The following NLK variants were observed in gnomAD, a reference collection of about 807,000 sequenced individuals.
NLK encodes the protein serine/threonine-protein kinase NLK.
A neutral mutation model predicts 59.0 loss-of-function variants in NLK; 11 were observed. That is an observed-to-expected ratio of 0.19 (90% CI 0.12 to 0.31). The LOEUF is 0.31. Among genes scored for constraint, NLK ranks in the 10% least tolerant of loss-of-function variants. The pLI is 1.00. For synonymous variants in NLK, 235 were observed against 235.9 expected (o/e 1.00, Z 0.03); for missense variants, 410 against 661.1 (o/e 0.62, Z 4.16).
chr17:28,078,834 TA>T (rs1018533579), intron 1 of NLK, among the ~76,000 whole-genome samples: 4 of 151,798 alleles, frequency 2.6e-5, no homozygotes, highest in Admixed American at 2.0e-4. Context: ...AAAGGACCCT[TA>T]AAAAAAAGAC....
At chr17:28,111,888 GTGTGTGTGGTGTGT>G (rs1365413129) in intron 1 of NLK, among the ~76,000 whole-genome samples, 12 of 121,136 alleles carry the variant, frequency 9.9e-5, no homozygotes, top group African/African-American at 3.9e-4. Flanking sequence ...GTGTGTGTGT[GTGTGTGTGGTGTGT>G]GTGTGTGTGT....
intron 1 of NLK, among the ~76,000 whole-genome samples, chr17:28,111,896 G>GTGTGT (rs1394476582): frequency 4.1e-4 from 28 of 67,538 alleles, no homozygotes; most frequent in South Asian, 1.2e-3. Context: ...GTGTGTGTGT[G>GTGTGT]GTGTGTGTGT....
intron 2 of NLK, among the ~76,000 whole-genome samples, chr17:28,127,966 T>C (rs1210574457): frequency 2.0e-5 from 3 of 152,124 alleles, no homozygotes; most frequent in Non-Finnish European, 4.4e-5. Flanking sequence ...TGGCATACTA[T>C]ATACATGTTC....
At chr17:28,110,265 G>A (rs1469640932) in intron 1 of NLK, among the ~76,000 whole-genome samples, 1 of 151,968 alleles carries the variant, frequency 6.6e-6, no homozygotes, top group Non-Finnish European at 1.5e-5. Context: ...CATTTTTGAA[G>A]GATAGGATCT....
At chr17:28,055,944 G>A (rs1362739303) in intron 1 of NLK, among the ~76,000 whole-genome samples, 1 of 152,018 alleles carries the variant, frequency 6.6e-6, no homozygotes, top group Non-Finnish European at 1.5e-5. Flanking sequence ...TAAAAGGAAG[G>A]TTTTTTTCTT....
rs1371693452 is a variant in NLK at position 28,172,588 on chromosome 17, G to A, written c.1119G>A (p.Lys373=). ...TGAGGACAGCTTGTGAAGGCGCTAA[G>A]GCACATATACTCAGGGGTCCTCATA... ...EAMRTACEGA[K]AHILRGPHKQ... Residue 373 remains lysine, a synonymous_variant, in exon 7 of 11, where the codon AAG becomes AAA. Transcript: ENST00000407008. 2 of 1,590,324 alleles carry A rather than the reference G, an allele frequency of 1.3e-6. No homozygotes were observed. Among genetic ancestry groups the A allele is most frequent in the Admixed American group, 3.5e-5 (2 of 56,620 alleles).
At chr17:28,101,017 C>T (rs995379199) in intron 1 of NLK, among the ~76,000 whole-genome samples, 3 of 152,180 alleles carry the variant, frequency 2.0e-5, no homozygotes. Context: ...CCTATTATTC[C>T]ATCACCATTG....
At chr17:28,135,845 CTG>C (rs879441950) in intron 3 of NLK, among the ~76,000 whole-genome samples, 9 of 152,270 alleles carry the variant, frequency 5.9e-5, no homozygotes, top group East Asian at 1.9e-4. Context: ...GGTTTGAAAA[CTG>C]TGTATGTGCT....
At chr17:28,178,676 C>T (rs914278492) in intron 7 of NLK, among the ~76,000 whole-genome samples, 1 of 152,144 alleles carries the variant, frequency 6.6e-6, no homozygotes, top group Admixed American at 6.5e-5. Context: ...AGTCCTGTCT[C>T]CTGACAGGAA....
downstream of NLK, among the ~76,000 whole-genome samples, chr17:28,199,478 C>T (rs1343997400): frequency 6.6e-6 from 1 of 151,822 alleles, no homozygotes; most frequent in African/African-American, 2.4e-5. Flanking sequence ...CCACCCTGGC[C>T]AAAATGGTGA....
In NLK at chr17:28,194,983, T is replaced by TCACACA. The variant is rs35187605; in HGVS notation, c.*374_*379dup. The TCACACA allele has an allele frequency of 0.013, 2,021 of 158,462 alleles. 26 individuals carry two copies. Among genetic ancestry groups the TCACACA allele is most frequent in the African/African-American group, 0.037 (1,465 of 39,876 alleles). 9.8% of individuals were successfully genotyped at this position (158,462 alleles called of 1,614,324 possible). On this transcript the variant is annotated 3_prime_UTR_variant, in exon 11 of 11. Coordinates refer to ENST00000407008, the MANE Select transcript of NLK (RefSeq NM_016231.5). The stretch of plus-strand genomic sequence containing the variant: ...CTTTTCTAAAATGAAGTGAGATTGT[T>TCACACA]CACACACACACACACACACACACAC...
chr17:28,136,574 T>G (rs1340734772), intron 3 of NLK, among the ~76,000 whole-genome samples: 1 of 152,156 alleles, frequency 6.6e-6, no homozygotes, highest in Non-Finnish European at 1.5e-5. Context: ...ATTCTTTTAG[T>G]GTCCTAAATG....
At chr17:28,161,614 A>G (rs1908008886) in intron 4 of NLK, among the ~76,000 whole-genome samples, 1 of 152,198 alleles carries the variant, frequency 6.6e-6, no homozygotes, top group Non-Finnish European at 1.5e-5. Context: ...ACTAAAGTGA[A>G]AAGTGACTAT....
chr17:28,060,414 C>A (rs915210244), intron 1 of NLK, among the ~76,000 whole-genome samples: 1 of 152,024 alleles, frequency 6.6e-6, no homozygotes, highest in East Asian at 1.9e-4. Flanking sequence ...AAGTTAATAT[C>A]TTTAATATTA....
chr17:28,118,367 T>C lies in NLK; in HGVS notation c.459-4236T>C, dbSNP rs983124368. Reference sequence around the variant, plus strand: ...CCAAGTTGAAGCACTCTTTTTATTATATTATGTATTTGCTTTGAATAGCTA... The same window carrying C: ...CCAAGTTGAAGCACTCTTTTTATTACATTATGTATTTGCTTTGAATAGCTA... On this transcript the variant is annotated intron_variant, in intron 1 of 10. Coordinates refer to ENST00000407008, the MANE Select transcript of NLK (RefSeq NM_016231.5). Among the ~76,000 whole-genome samples, 5 of 152,316 alleles carry C rather than the reference T, an allele frequency of 3.3e-5. No homozygotes were observed. In the South Asian group the frequency reaches 8.3e-4, roughly 25 times the overall value.
chr17:28,169,114 G>A (rs1428375828), intron 6 of NLK, among the ~76,000 whole-genome samples: 1 of 152,040 alleles, frequency 6.6e-6, no homozygotes, highest in Non-Finnish European at 1.5e-5. Context: ...TCGAACTCCT[G>A]ACCTCAGGTG....
intron 2 of NLK, among the ~76,000 whole-genome samples, chr17:28,125,081 A>G (rs1597696066): frequency 1.3e-5 from 2 of 152,066 alleles, no homozygotes; most frequent in Admixed American, 6.5e-5. Flanking sequence ...TTGCTTACTA[A>G]TGATGTCAAT....
intron 1 of NLK, among the ~76,000 whole-genome samples, chr17:28,081,209 T>A (rs955856570): frequency 6.6e-6 from 1 of 152,052 alleles, no homozygotes; most frequent in Non-Finnish European, 1.5e-5. Flanking sequence ...TTTGTTTTTG[T>A]TGTTTTTGAG....
chr17:28,056,866 G>T (rs765343388), intron 1 of NLK, among the ~76,000 whole-genome samples: 8 of 149,594 alleles, frequency 5.3e-5, no homozygotes, highest in Non-Finnish European at 8.9e-5. Flanking sequence ...CAGGAAATTT[G>T]AAAGAATTGT....
Sources: gnomAD v4.1 joint callset for allele counts (sites outside exome capture counted in the v4.1 genomes callset) on GRCh38, gnomAD v4.1.1 for gene constraint, MANE v1.5 for transcripts, NCBI Gene and HGNC (gene_info 2026-07-23, HGNC 2026-07-21) for gene names.